EMP2: variants seen among roughly 807,000 people sequenced by gnomAD.
EMP2 encodes the protein epithelial membrane protein 2.
Under a neutral mutation model 13.7 loss-of-function variants are expected in EMP2, and 19 were observed. The ratio of observed to expected loss-of-function variants is 1.38; its 90% CI spans 0.97 to 2.03. EMP2 has a LOEUF of 2.03. EMP2 is among the 30% of genes most tolerant of loss of function. The probability of loss-of-function intolerance (pLI) is 0.00; values close to 1 mark genes in which losing one functional copy is unlikely to be tolerated. For missense variants in EMP2, 253 were observed against 220.7 expected (o/e 1.15, Z -0.93); for synonymous variants, 97 against 84.7 (o/e 1.15, Z -0.80).
chr16:10,537,514 C>T (rs1413778623), intron 4 of EMP2, among the ~76,000 whole-genome samples: 2 of 152,166 alleles, frequency 1.3e-5, no homozygotes, highest in Non-Finnish European at 2.9e-5. Flanking sequence ...TGGTTCACTT[C>T]CCACTGCACT....
chr16:10,555,658 G>A (rs756934699), intron 1 of EMP2, among the ~76,000 whole-genome samples: 2 of 151,820 alleles, frequency 1.3e-5, no homozygotes, highest in African/African-American at 2.4e-5. Context: ...AGCGATCTCG[G>A]CTCACCACAA....
chr16:10,541,191 C>G (rs2050695396), intron 3 of EMP2, among the ~76,000 whole-genome samples: 2 of 152,010 alleles, frequency 1.3e-5, no homozygotes, highest in African/African-American at 4.8e-5. Context: ...TCACTTGAAG[C>G]CAGGCGTGAA....
At position 10,580,193 on chromosome 16, in the gene EMP2, G is replaced by T. The variant is rs934629804; in HGVS notation, c.-61+356C>A. On this transcript the variant is annotated intron_variant, in intron 1 of 4. Transcript: ENST00000359543. The surrounding 1 kb of genome is among the most constrained non-coding windows in gnomAD (Gnocchi z 4.3). The stretch of plus-strand genomic sequence containing the variant: ...CGAGGCGAGTCTGGGGACGCTGCCC[G>T]GGAATCCCTCACGCGACCTGGGGAT... 1.2e-4 allele frequency among the ~76,000 whole-genome samples: 19 copies of T among 152,306 alleles called. No individual in the cohort carries two copies. The East Asian group carries it at 2.9e-3, about 23-fold the overall frequency.
intron 3 of EMP2, among the ~76,000 whole-genome samples, chr16:10,538,731 G>A (rs776103658): frequency 2.6e-5 from 4 of 152,164 alleles, no homozygotes; most frequent in Non-Finnish European, 4.4e-5. Flanking sequence ...TGAGGCTAAT[G>A]TGTAGAAAGC....
intron 1 of EMP2, among the ~76,000 whole-genome samples, chr16:10,575,726 A>G (rs1382564532): frequency 6.6e-6 from 1 of 152,178 alleles, no homozygotes; most frequent in Non-Finnish European, 1.5e-5. Flanking sequence ...CAAGCAAACC[A>G]CAAACAAATC....
At chr16:10,557,433 A>G (rs1418963377) in intron 1 of EMP2, among the ~76,000 whole-genome samples, 1 of 151,600 alleles carries the variant, frequency 6.6e-6, no homozygotes, top group Non-Finnish European at 1.5e-5. Flanking sequence ...TGCATTTTTC[A>G]TCCTGTTAGC....
At chr16:10,535,714 C>G (rs1429550213) in intron 4 of EMP2, among the ~76,000 whole-genome samples, 1 of 152,156 alleles carries the variant, frequency 6.6e-6, no homozygotes, top group African/African-American at 2.4e-5. Context: ...CAAGTCCCCC[C>G]ACCCCAAGTT....
At chr16:10,552,975 A>G (rs925118015) in intron 1 of EMP2, among the ~76,000 whole-genome samples, 1 of 152,300 alleles carries the variant, frequency 6.6e-6, no homozygotes, top group Non-Finnish European at 1.5e-5. Flanking sequence ...ACCATTAGGC[A>G]CTCCGAAAAA....
intron 1 of EMP2, among the ~76,000 whole-genome samples, chr16:10,557,114 T>C (rs1164108710): frequency 6.6e-6 from 1 of 152,124 alleles, no homozygotes; most frequent in East Asian, 1.9e-4. Flanking sequence ...CCCAGCACTT[T>C]GGGAGGCTGA....
Position 10,532,043 on chromosome 16 carries a change from T to C in EMP2, c.*862A>G, listed in dbSNP as rs1257193075. 6.5e-6 allele frequency: 1 copy of C among 154,790 alleles called. No homozygotes were observed. Among genetic ancestry groups the C allele is most frequent in the African/African-American group, 2.4e-5 (1 of 41,506 alleles). The allele number at this position is 154,790 out of a possible 1,614,324, so 9.6% of individuals were successfully genotyped here. ...TTGCATTCACCTCCCCATCTCCACATGACGATACCCCAGCATTTACGAGGC... is the reference window on the plus strand; with the variant it reads ...TTGCATTCACCTCCCCATCTCCACACGACGATACCCCAGCATTTACGAGGC... On this transcript the variant is annotated 3_prime_UTR_variant, in exon 5 of 5. Coordinates refer to ENST00000359543, the MANE Select transcript of EMP2 (RefSeq NM_001424.6).
intron 1 of EMP2, among the ~76,000 whole-genome samples, chr16:10,564,074 G>T (rs2050890941): frequency 1.3e-5 from 2 of 152,250 alleles, no homozygotes; most frequent in Admixed American, 1.3e-4. Context: ...CCTGGAGGTA[G>T]TTCACCACTT....
rs2051016388 is a variant in EMP2, at chr16:10,580,071, C to T, written c.-61+478G>A. Among the ~76,000 whole-genome samples the T allele has an allele frequency of 6.6e-6, 1 of 152,164 alleles. No individual in the cohort carries two copies. Among genetic ancestry groups the T allele is most frequent in the Admixed American group, 6.5e-5 (1 of 15,284 alleles). On this transcript the variant is annotated intron_variant, in intron 1 of 4. Coordinates refer to ENST00000359543, the MANE Select transcript of EMP2 (RefSeq NM_001424.6). This position sits in a 1 kb window ranked among gnomAD's most constrained non-coding sequence, Gnocchi z 4.3. ...TCCTGACCCCCAAGAAGTCGCTCCT[C>T]GCCGCTCGGGGGCGCGACGGAGCAG... is the stretch of plus-strand genomic sequence containing the variant.
At chr16:10,541,785 C>G (rs1325270806) in intron 3 of EMP2, among the ~76,000 whole-genome samples, 1 of 152,176 alleles carries the variant, frequency 6.6e-6, no homozygotes. Flanking sequence ...TCATTCGCTC[C>G]TGGCTATGCG....
intron 1 of EMP2, among the ~76,000 whole-genome samples, chr16:10,559,448 G>A (rs2050856765): frequency 6.6e-6 from 1 of 152,220 alleles, no homozygotes; most frequent in African/African-American, 2.4e-5. Context: ...GCAACAGGCG[G>A]GACACTGGAA....
rs529919962 is a variant in EMP2, at chr16:10,580,167, G to A, written c.-61+382C>T. Among the ~76,000 whole-genome samples the A allele has an allele frequency of 2.2e-3, 340 of 152,304 alleles. No homozygotes were observed. The highest frequency in any genetic ancestry group is 7.9e-3 in the African/African-American group (329 of 41,572). On this transcript the variant is annotated intron_variant, in intron 1 of 4. Coordinates refer to ENST00000359543, the MANE Select transcript of EMP2 (RefSeq NM_001424.6). This position sits in a 1 kb window ranked among gnomAD's most constrained non-coding sequence, Gnocchi z 4.3. Reference sequence around the variant, plus strand: ...CCGGCCTGGCGCACCAGTCCTGCCCGCGAGGCGAGTCTGGGGACGCTGCCC... The same window carrying A: ...CCGGCCTGGCGCACCAGTCCTGCCCACGAGGCGAGTCTGGGGACGCTGCCC...
At chr16:10,533,555 C>G (rs1053890310) in intron 4 of EMP2, among the ~76,000 whole-genome samples, 2 of 152,190 alleles carry the variant, frequency 1.3e-5, no homozygotes, top group Admixed American at 6.5e-5. Flanking sequence ...AAGGGCCAGA[C>G]AGTAAGCAGT....
intron 4 of EMP2, among the ~76,000 whole-genome samples, chr16:10,533,972 G>A (rs899947284): frequency 6.6e-6 from 1 of 151,992 alleles, no homozygotes; most frequent in Non-Finnish European, 1.5e-5. Flanking sequence ...AAAATTAGCC[G>A]GGTGTGGTGG....
At chr16:10,568,460 G>A (rs1227818780) in intron 1 of EMP2, among the ~76,000 whole-genome samples, 5 of 150,696 alleles carry the variant, frequency 3.3e-5, no homozygotes, top group East Asian at 1.9e-4. Context: ...CTTTTTTCAC[G>A]ATGCCTCCTG....
intron 1 of EMP2, 128 bp from the exon 2 acceptor site, chr16:10,547,805 G>A (rs1372889721): frequency 1.0e-5 from 6 of 575,878 alleles, no homozygotes; most frequent in African/African-American, 1.9e-5. Context: ...GGAGAAGGTG[G>A]GAAGATCACT....
Sources: allele counts gnomAD v4.1 joint callset (sites outside exome capture counted in the v4.1 genomes callset), GRCh38; gene constraint gnomAD v4.1.1; non-coding constraint Gnocchi (gnomAD v3.1); transcripts MANE v1.5; gene names NCBI Gene and HGNC (gene_info 2026-07-23, HGNC 2026-07-21).